The following FUT9 variants were observed in gnomAD, a reference collection of about 807,000 sequenced individuals.
FUT9 encodes the protein fucosyltransferase 9.
A neutral mutation model predicts 29.7 loss-of-function variants in FUT9; 15 were observed. The observed-to-expected ratio is 0.51, with a 90% CI of 0.34 to 0.78. The LOEUF (loss-of-function observed/expected upper bound fraction) is 0.78. Ranked by LOEUF, FUT9 falls within the 30% of genes least tolerant of loss-of-function variation. The pLI, the probability that FUT9 is intolerant of heterozygous loss-of-function variation, is 0.01. For missense variants in FUT9, 319 were observed against 425.4 expected, an observed-to-expected ratio of 0.75 and a Z score of 2.20; for synonymous variants, 169 against 153.7, an observed-to-expected ratio of 1.10 and a Z score of -0.74.
chr6:96,024,046 C>T (rs1371418220), intron 1 of FUT9, among the ~76,000 whole-genome samples: 1 of 151,776 alleles, frequency 6.6e-6, no homozygotes. Context: ...GAAAATACAA[C>T]AGTACATGGA....
Position 96,162,046 on chromosome 6 carries a change from C to T in FUT9, c.-8-41102C>T, listed in dbSNP as rs147560391. 1.6e-3 allele frequency among the ~76,000 whole-genome samples: 240 copies of T among 152,220 alleles called. 1 individual carries two copies. The highest frequency in any genetic ancestry group is 5.6e-3 in the African/African-American group (233 of 41,568). On this transcript the variant is annotated intron_variant, in intron 2 of 2. Coordinates refer to ENST00000302103, the MANE Select transcript of FUT9 (RefSeq NM_006581.4). The stretch of plus-strand genomic sequence containing the variant: ...CTTTACCATTTCCTCTTTATTCCTT[C>T]TTAGCACTTTCATTTTTCTGCTTAA...
intron 1 of FUT9, among the ~76,000 whole-genome samples, chr6:96,080,914 C>T (rs906044133): frequency 6.6e-6 from 1 of 151,926 alleles, no homozygotes; most frequent in Non-Finnish European, 1.5e-5. Context: ...GAAGAATTAG[C>T]AACAACATGT....
intron 1 of FUT9, among the ~76,000 whole-genome samples, chr6:96,109,894 C>G (rs1771765074): frequency 6.6e-6 from 1 of 152,102 alleles, no homozygotes; most frequent in Non-Finnish European, 1.5e-5. Context: ...TTACCCTTCC[C>G]CTCACACCCA....
At chr6:96,175,987 A>G (rs1293953609) in intron 2 of FUT9, among the ~76,000 whole-genome samples, 1 of 152,242 alleles carries the variant, frequency 6.6e-6, no homozygotes, top group Non-Finnish European at 1.5e-5. Context: ...AACAAAAAGC[A>G]GAGGAAAGAA....
chr6:96,096,099 T>C (rs951345753), intron 1 of FUT9, among the ~76,000 whole-genome samples: 3 of 152,140 alleles, frequency 2.0e-5, no homozygotes, highest in African/African-American at 7.2e-5. Flanking sequence ...AAGTCTAATA[T>C]ATATCTCAAA....
intron 2 of FUT9, among the ~76,000 whole-genome samples, chr6:96,119,201 C>G (rs145696587): frequency 6.6e-6 from 1 of 152,344 alleles, no homozygotes; most frequent in East Asian, 1.9e-4. Flanking sequence ...CCCAGTGCAA[C>G]TTCCAGTCCT....
At chr6:96,031,829 A>C (rs1247050867) in intron 1 of FUT9, among the ~76,000 whole-genome samples, 2 of 151,620 alleles carry the variant, frequency 1.3e-5, no homozygotes, top group Non-Finnish European at 3.0e-5. Context: ...ATATTTTACA[A>C]AATTCTTGAT....
rs1056923532 is a variant in FUT9, at chr6:96,160,776, T to TA, written c.-8-42367dup. Among the ~76,000 whole-genome samples the TA allele has an allele frequency of 5.3e-5, 8 of 152,178 alleles. No homozygotes were observed. In the South Asian group the frequency reaches 1.0e-3, roughly 20 times the overall value. ...AGATCTATGTATGAATTAATTTTGA[T>TA]AAAAATATAATCTTTTTACAAAGCA... On this transcript the variant is annotated intron_variant, in intron 2 of 2. Transcript: ENST00000302103.
chr6:96,110,815 C>CTATTTTTTTTTTATTTATTTATT (rs11283884), intron 1 of FUT9, among the ~76,000 whole-genome samples: 1 of 145,046 alleles, frequency 6.9e-6, no homozygotes, highest in Non-Finnish European at 1.5e-5. Context: ...ACAAATGTGC[C>CTATTTTTTTTTTATTTATTTATT]TATTTATTTA....
rs1770297039 is a variant in FUT9 at position 96,033,335 on chromosome 6, TG to T, written c.-98+17124del. Among the ~76,000 whole-genome samples, 7 of 151,694 alleles carry T rather than the reference TG, an allele frequency of 4.6e-5. No homozygotes were observed. In the South Asian group the frequency reaches 1.4e-3, roughly 31 times the overall value. Reference sequence around the variant, plus strand: ...CATCTAAGTCTCACTGAGAACTTTTTGATCACTAATTAAAGCTGCTAAACAG... The same window carrying T: ...CATCTAAGTCTCACTGAGAACTTTTTATCACTAATTAAAGCTGCTAAACAG... On this transcript the variant is annotated intron_variant, in intron 1 of 2. Coordinates refer to ENST00000302103, the MANE Select transcript of FUT9 (RefSeq NM_006581.4).
chr6:96,075,534 CAA>C (rs1489091468), intron 1 of FUT9, among the ~76,000 whole-genome samples: 16 of 152,094 alleles, frequency 1.1e-4, no homozygotes, highest in African/African-American at 3.9e-4. Flanking sequence ...TATACAAACT[CAA>C]GTTACTTATG....
At chr6:96,075,801 G>A (rs1235763868) in intron 1 of FUT9, among the ~76,000 whole-genome samples, 1 of 152,052 alleles carries the variant, frequency 6.6e-6, no homozygotes, top group Non-Finnish European at 1.5e-5. Flanking sequence ...TTGACAATGG[G>A]TCAATGAAAG....
intron 2 of FUT9, among the ~76,000 whole-genome samples, chr6:96,143,555 C>T (rs1258027744): frequency 6.6e-6 from 1 of 151,964 alleles, no homozygotes; most frequent in Non-Finnish European, 1.5e-5. Context: ...CCCATCCCCT[C>T]CCTTTTCTCC....
At chr6:96,103,549 C>T (rs184027154) in intron 1 of FUT9, among the ~76,000 whole-genome samples, 101 of 151,906 alleles carry the variant, frequency 6.6e-4, no homozygotes, top group Admixed American at 1.3e-4. Context: ...AGGCTTTCTC[C>T]GATGGCTCCA....
chr6:96,090,192 C>A (rs1001161095), intron 1 of FUT9, among the ~76,000 whole-genome samples: 1 of 151,744 alleles, frequency 6.6e-6, no homozygotes, highest in African/African-American at 2.4e-5. Context: ...GGGGATGAAC[C>A]AAAAAGATAG....
intron 2 of FUT9, among the ~76,000 whole-genome samples, chr6:96,178,603 G>A (rs77037812): frequency 6.6e-6 from 1 of 152,180 alleles, no homozygotes; most frequent in African/African-American, 2.4e-5. Flanking sequence ...ACTTGAAATT[G>A]TTTCCATTGG....
chr6:96,062,535 T>G (rs75586508), intron 1 of FUT9, among the ~76,000 whole-genome samples: 4 of 152,154 alleles, frequency 2.6e-5, no homozygotes, highest in East Asian at 1.9e-4. Context: ...TAATATTATG[T>G]TTTTTTCCCC....
chr6:96,171,895 A>G (rs1773119416), intron 2 of FUT9, among the ~76,000 whole-genome samples: 2 of 152,194 alleles, frequency 1.3e-5, no homozygotes, highest in Admixed American at 1.3e-4. Context: ...GAATTTGTCT[A>G]ATATGTAAGA....
intron 1 of FUT9, among the ~76,000 whole-genome samples, chr6:96,041,911 T>C (rs981476112): frequency 2.0e-4 from 31 of 152,252 alleles, no homozygotes; most frequent in African/African-American, 7.5e-4. Context: ...TTATTATTTG[T>C]AGTAAGTTAT....
Sources: gnomAD v4.1 joint callset for allele counts (sites outside exome capture counted in the v4.1 genomes callset) on GRCh38, gnomAD v4.1.1 for gene constraint, MANE v1.5 for transcripts, NCBI Gene and HGNC (gene_info 2026-07-23, HGNC 2026-07-21) for gene names.